Variants in SH3RF1 observed in about 807,000 individuals in gnomAD.
SH3RF1 encodes the protein SH3 domain containing ring finger 1, also known as E3 ubiquitin-protein ligase SH3RF1.
A neutral mutation model predicts 74.0 loss-of-function variants in SH3RF1; 32 were observed. The observed-to-expected ratio is 0.43, with a 90% CI of 0.33 to 0.58. The LOEUF (loss-of-function observed/expected upper bound fraction) is 0.58, where lower values mean the gene tolerates loss of function less well. SH3RF1 is among the 20% of genes least tolerant of loss of function. The probability of loss-of-function intolerance (pLI) is 0.05; values close to 1 mark genes in which losing one functional copy is unlikely to be tolerated. For synonymous variants in SH3RF1, 396 were observed against 439.6 expected (o/e 0.90, Z 1.24); for missense variants, 954 against 1,130.9 (o/e 0.84, Z 2.24).
At chr4:169,115,829 C>T (rs1245255093) in intron 10 of SH3RF1, among the ~76,000 whole-genome samples, 1 of 152,158 alleles carries the variant, frequency 6.6e-6, no homozygotes, top group African/African-American at 2.4e-5. Flanking sequence ...TCAACAGTTT[C>T]ATCCCCCTCA....
At chr4:169,236,940 G>A (rs1730831818) in intron 2 of SH3RF1, among the ~76,000 whole-genome samples, 1 of 152,186 alleles carries the variant, frequency 6.6e-6, no homozygotes, top group Admixed American at 6.5e-5. Flanking sequence ...CAAAGTAGAA[G>A]AGAGACGATT....
chr4:169,176,585 G>T (rs1349159127), intron 2 of SH3RF1, among the ~76,000 whole-genome samples: 2 of 152,162 alleles, frequency 1.3e-5, no homozygotes, highest in Non-Finnish European at 2.9e-5. Context: ...CTGTCACCCA[G>T]GTTGGAGTGC....
chr4:169,106,774 T>A (rs949710032), intron 11 of SH3RF1, 73 bp downstream of exon 11: 2 of 1,225,650 alleles, frequency 1.6e-6, no homozygotes, highest in Non-Finnish European at 2.3e-6. Context: ...ACATCTTAAA[T>A]ATCACAATAA....
intron 2 of SH3RF1, among the ~76,000 whole-genome samples, chr4:169,227,155 C>T (rs1056572754): frequency 6.6e-6 from 1 of 151,604 alleles, no homozygotes; most frequent in Non-Finnish European, 1.5e-5. Flanking sequence ...GACAGAGCAA[C>T]ACCCTGCCTT....
intron 2 of SH3RF1, chr4:169,201,990 T>G (rs1171508794): frequency 6.6e-6 from 1 of 152,128 alleles, no homozygotes; most frequent in African/African-American, 2.4e-5. Flanking sequence ...TTGGACACAG[T>G]ATCTAATGTT....
chr4:169,120,479 A>T (rs953770205), intron 8 of SH3RF1, among the ~76,000 whole-genome samples: 2 of 152,260 alleles, frequency 1.3e-5, no homozygotes, highest in African/African-American at 4.8e-5. Flanking sequence ...ATAAACACAT[A>T]AGTATTAATA....
Position 169,204,332 on chromosome 4 carries a change from C to G in SH3RF1, c.394-47653G>C, listed in dbSNP as rs187481199. 3.4e-4 allele frequency among the ~76,000 whole-genome samples: 51 copies of G among 152,204 alleles called. No individual in the cohort carries two copies. The East Asian group carries it at 9.1e-3, about 27-fold the overall frequency. The stretch of plus-strand genomic sequence containing the variant: ...CAGCACCTCATTTCATTCAATCATC[C>G]TATTCTCTGTCAAAGGTTTTATCTC... On this transcript the variant is annotated intron_variant, in intron 2 of 11. Transcript: ENST00000284637.
chr4:169,164,594 A>G (rs1243614250), intron 2 of SH3RF1, among the ~76,000 whole-genome samples: 1 of 152,144 alleles, frequency 6.6e-6, no homozygotes, highest in Non-Finnish European at 1.5e-5. Flanking sequence ...GCTGCTGGGA[A>G]ACCTGGGGCA....
At chr4:169,105,613 G>T (rs755568107) in intron 11 of SH3RF1, among the ~76,000 whole-genome samples, 9 of 152,196 alleles carry the variant, frequency 5.9e-5, no homozygotes, top group Non-Finnish European at 1.3e-4. Flanking sequence ...AGAGTTCTTC[G>T]CTAGACATCG....
intron 2 of SH3RF1, among the ~76,000 whole-genome samples, chr4:169,264,662 C>T (rs1731325963): frequency 6.6e-6 from 1 of 152,212 alleles, no homozygotes; most frequent in Admixed American, 6.5e-5. Flanking sequence ...TGTTCTGAAG[C>T]CCTGCTAATC....
intron 2 of SH3RF1, chr4:169,167,213 G>C (rs1734260949): frequency 6.5e-6 from 1 of 152,864 alleles, no homozygotes; most frequent in South Asian, 2.1e-4. Flanking sequence ...TGTTTGTATA[G>C]CCATGGAAGG....
At position 169,144,354 on chromosome 4, in the gene SH3RF1, C is replaced by A. The variant is rs140576349; in HGVS notation, c.766-7734G>T. 4.4e-3 allele frequency among the ~76,000 whole-genome samples: 667 copies of A among 152,202 alleles called. 6 individuals are homozygous for A. Among genetic ancestry groups the A allele is most frequent in the African/African-American group, 0.015 (638 of 41,528 alleles). ...TAAAGTACAATACCTATTCTCAACC[C>A]AAACAAAAATATCCCATTCAAAATA... is the stretch of plus-strand genomic sequence containing the variant. On this transcript the variant is annotated intron_variant, in intron 4 of 11. Transcript: ENST00000284637.
intron 5 of SH3RF1, 125 bp downstream of exon 5, chr4:169,136,193 C>T (rs1733696230): frequency 1.8e-6 from 2 of 1,086,898 alleles, no homozygotes; most frequent in Non-Finnish European, 1.2e-6. Flanking sequence ...TTTTGCTTCC[C>T]AGAAAAGTTA....
intron 4 of SH3RF1, 98 bp from the exon 5 acceptor site, chr4:169,136,718 TC>T: frequency 1.5e-6 from 2 of 1,330,496 alleles, no homozygotes; most frequent in Non-Finnish European, 2.0e-6. Flanking sequence ...AAATTTAAAG[TC>T]ACTACTTTAA....
rs1732929786 is a variant in SH3RF1 at position 169,096,375 on chromosome 4, C to T, written c.*144G>A. On this transcript the variant is annotated 3_prime_UTR_variant, in exon 12 of 12. Coordinates refer to ENST00000284637, the MANE Select transcript of SH3RF1 (RefSeq NM_020870.4). The stretch of plus-strand genomic sequence containing the variant: ...TTCTTCATTCTGCTCGCTGGGGTAA[C>T]TGTGCTGGGGCATCAGAGTCACATA... The T allele has an allele frequency of 1.2e-6, 1 of 804,372 alleles. No homozygotes were observed. Among genetic ancestry groups the T allele is most frequent in the Non-Finnish European group, 2.0e-6 (1 of 511,566 alleles). The allele number at this position is 804,372 out of a possible 1,614,324, so 49.8% of individuals were successfully genotyped here.
intron 6 of SH3RF1, among the ~76,000 whole-genome samples, chr4:169,126,309 T>C (rs1259598973): frequency 2.0e-5 from 3 of 152,240 alleles, no homozygotes; most frequent in Admixed American, 2.0e-4. Flanking sequence ...GTTCCCGAGA[T>C]GCTAGAATCC....
chr4:169,128,086 T>C (rs1733555356), intron 6 of SH3RF1, among the ~76,000 whole-genome samples: 1 of 152,226 alleles, frequency 6.6e-6, no homozygotes, highest in Admixed American at 6.5e-5. Flanking sequence ...TAATTAAATT[T>C]TCTATTATCT....
intron 2 of SH3RF1, among the ~76,000 whole-genome samples, chr4:169,208,065 A>T (rs10025617): frequency 6.6e-6 from 1 of 152,198 alleles, no homozygotes; most frequent in African/African-American, 2.4e-5. Context: ...GATGCTATGC[A>T]CTAGGTAACA....
chr4:169,118,551 G>A (rs1733381579), intron 8 of SH3RF1, among the ~76,000 whole-genome samples: 1 of 152,068 alleles, frequency 6.6e-6, no homozygotes. Flanking sequence ...TGCCTCTCAG[G>A]TTCAAGTGAT....
Sources: gnomAD v4.1 joint callset for allele counts (sites outside exome capture counted in the v4.1 genomes callset) on GRCh38, gnomAD v4.1.1 for gene constraint, MANE v1.5 for transcripts, NCBI Gene and HGNC (gene_info 2026-07-23, HGNC 2026-07-21) for gene names.